The following TNR variants were observed in gnomAD, a reference collection of about 807,000 sequenced individuals.
TNR encodes tenascin-R.
In TNR, 45 loss-of-function variants were observed where a neutral mutation model predicts 150.4. The ratio of observed to expected loss-of-function variants is 0.30; its 90% CI spans 0.24 to 0.38. The LOEUF is 0.38. Ranked by LOEUF, TNR falls within the 10% of genes least tolerant of loss-of-function variation. The pLI, the probability that TNR is intolerant of heterozygous loss-of-function variation, is 1.00. For synonymous variants in TNR, 687 were observed against 678.4 expected, an observed-to-expected ratio of 1.01 and a Z score of -0.20; for missense variants, 1,544 against 1,759.1, an observed-to-expected ratio of 0.88 and a Z score of 2.19.
intron 1 of TNR, among the ~76,000 whole-genome samples, chr1:175,644,438 G>A (rs1664751855): frequency 6.6e-6 from 1 of 152,252 alleles, no homozygotes; most frequent in Non-Finnish European, 1.5e-5. Flanking sequence ...GGTATTGGAA[G>A]TTGGATCCAA....
intron 2 of TNR, among the ~76,000 whole-genome samples, chr1:175,480,686 A>G (rs1657768586): frequency 6.6e-6 from 1 of 152,216 alleles, no homozygotes; most frequent in Non-Finnish European, 1.5e-5. Context: ...AGACGTTAAG[A>G]GGCTCACCTG....
In TNR at chr1:175,591,401, C is replaced by G. The variant is rs144283650; in HGVS notation, c.-164-63032G>C. ...CCCTTGAGACCCTGGCACTTCAAAC[C>G]CTGTGGAAACTAGTGCTTCAATTGC... is the stretch of plus-strand genomic sequence containing the variant. On this transcript the variant is annotated intron_variant, in intron 1 of 22. Transcript: ENST00000367674. 1.3e-3 allele frequency among the ~76,000 whole-genome samples: 192 copies of G among 152,298 alleles called. 1 individual carries two copies. The East Asian group carries it at 0.028, about 23-fold the overall frequency.
chr1:175,676,141 G>T (rs953437222), intron 1 of TNR, among the ~76,000 whole-genome samples: 1 of 152,126 alleles, frequency 6.6e-6, no homozygotes, highest in South Asian at 2.1e-4. Flanking sequence ...TTAATGGCAG[G>T]TGATAAGATT....
chr1:175,630,513 A>G lies in TNR; in HGVS notation c.-164-102144T>C, dbSNP rs1033632112. Reference sequence around the variant, plus strand: ...CATACTTCACTACTGGTCTACAGCAATCTGCAAGGGTTCAGGATGTGACTC... The same window carrying G: ...CATACTTCACTACTGGTCTACAGCAGTCTGCAAGGGTTCAGGATGTGACTC... On this transcript the variant is annotated intron_variant, in intron 1 of 22. Transcript: ENST00000367674. Among the ~76,000 whole-genome samples the G allele has an allele frequency of 1.2e-4, 18 of 152,300 alleles. 1 individual carries two copies. The South Asian group carries it at 1.2e-3, about 11-fold the overall frequency.
At chr1:175,406,883 A>AGG (rs60974501) in intron 2 of TNR, 106 bp from the exon 3 acceptor site, 23 of 726,434 alleles carry the variant, frequency 3.2e-5, no homozygotes, top group Non-Finnish European at 3.6e-5. Flanking sequence ...GAGATTTTCA[A>AGG]GGGGGGGGCG....
intron 2 of TNR, among the ~76,000 whole-genome samples, chr1:175,514,150 G>A (rs1557979729): frequency 6.6e-6 from 1 of 152,188 alleles, no homozygotes; most frequent in African/African-American, 2.4e-5. Context: ...CCTTAAAATA[G>A]GGAGATTAAC....
chr1:175,529,036 T>C (rs753934604), intron 1 of TNR, among the ~76,000 whole-genome samples: 2 of 152,234 alleles, frequency 1.3e-5, no homozygotes, highest in Non-Finnish European at 2.9e-5. Context: ...GATTGTTAAG[T>C]GAGAGCCTTC....
At position 175,579,506 on chromosome 1, in the gene TNR, A is replaced by T. The variant is rs531588279; in HGVS notation, c.-164-51137T>A. Among the ~76,000 whole-genome samples, 4 of 152,056 alleles carry T rather than the reference A, an allele frequency of 2.6e-5. No homozygotes were observed. The South Asian group carries it at 8.3e-4, about 32-fold the overall frequency. On this transcript the variant is annotated intron_variant, in intron 1 of 22. Transcript: ENST00000367674. ...TGAAGGGCACATTTGGGCAATGGCG[A>T]TTAGACCAATGTGGTGGGAGCTGAG...
At position 175,727,483 on chromosome 1, in the gene TNR, A is replaced by T. The variant is rs573709008; in HGVS notation, c.-165+15743T>A. On this transcript the variant is annotated intron_variant, in intron 1 of 22. Coordinates refer to ENST00000367674, the MANE Select transcript of TNR (RefSeq NM_003285.3). ...GAGAATTGGAAACAGTGATGTTTTCAGTAAGTTTTGCTGTAGATGGGAGCT... is the reference window on the plus strand; with the variant it reads ...GAGAATTGGAAACAGTGATGTTTTCTGTAAGTTTTGCTGTAGATGGGAGCT... Among the ~76,000 whole-genome samples the T allele has an allele frequency of 5.9e-5, 9 of 152,334 alleles. No homozygotes were observed. In the South Asian group the frequency reaches 1.7e-3, roughly 28 times the overall value.
chr1:175,695,474 G>C (rs1666488340), intron 1 of TNR, among the ~76,000 whole-genome samples: 1 of 152,216 alleles, frequency 6.6e-6, no homozygotes, highest in Non-Finnish European at 1.5e-5. Context: ...GTTGTTTTAA[G>C]GTGCTAAATT....
intron 1 of TNR, among the ~76,000 whole-genome samples, chr1:175,694,986 C>A (rs1049293210): frequency 2.0e-5 from 3 of 152,208 alleles, no homozygotes; most frequent in Non-Finnish European, 4.4e-5. Flanking sequence ...ATAACGTCCT[C>A]TTGGCTTTTG....
At chr1:175,396,519 A>T (rs1653431858) in intron 5 of TNR, 25 bp downstream of exon 5, 2 of 1,601,280 alleles carry the variant, frequency 1.2e-6, no homozygotes, top group Non-Finnish European at 1.7e-6. Context: ...AGAAAAATGA[A>T]GCAGGACGGG....
chr1:175,398,644 A>C (rs1441381781), intron 4 of TNR, among the ~76,000 whole-genome samples: 1 of 152,202 alleles, frequency 6.6e-6, no homozygotes, highest in Admixed American at 6.5e-5. Context: ...CCCTCTCACC[A>C]ACACCATGGG....
chr1:175,611,500 G>A (rs528590721), intron 1 of TNR, among the ~76,000 whole-genome samples: 3 of 151,966 alleles, frequency 2.0e-5, no homozygotes, highest in South Asian at 4.2e-4. Flanking sequence ...GCCTGGCTAA[G>A]TTTTTAAAAT....
intron 2 of TNR, among the ~76,000 whole-genome samples, chr1:175,469,596 GT>G (rs1377606285): frequency 6.6e-6 from 1 of 151,946 alleles, no homozygotes; most frequent in East Asian, 1.9e-4. Flanking sequence ...TATAGGGAGG[GT>G]TTTGTGGCCT....
intron 1 of TNR, among the ~76,000 whole-genome samples, chr1:175,726,595 A>G (rs1191479990): frequency 6.6e-6 from 1 of 152,174 alleles, no homozygotes; most frequent in African/African-American, 2.4e-5. Flanking sequence ...AGCAGAATAT[A>G]CTCTGTGACT....
At chr1:175,416,129 T>TATAC (rs35195740) in intron 2 of TNR, among the ~76,000 whole-genome samples, 2 of 151,352 alleles carry the variant, frequency 1.3e-5, no homozygotes, top group Admixed American at 6.6e-5. Context: ...TATATATATA[T>TATAC]ACACACACAC....
chr1:175,678,306 G>A (rs532990688), intron 1 of TNR, among the ~76,000 whole-genome samples: 149 of 152,300 alleles, frequency 9.8e-4, no homozygotes, highest in Admixed American at 1.8e-3. Flanking sequence ...GAGGGGGCAC[G>A]TGTTAAACAC....
chr1:175,345,890 A>C (rs1190236877), intron 18 of TNR, among the ~76,000 whole-genome samples: 1 of 152,216 alleles, frequency 6.6e-6, no homozygotes, highest in East Asian at 1.9e-4. Context: ...GAAGTGTAAG[A>C]GTTGCAAAAA....
Sources: gnomAD v4.1 joint callset for allele counts (sites outside exome capture counted in the v4.1 genomes callset) on GRCh38, gnomAD v4.1.1 for gene constraint, MANE v1.5 for transcripts, NCBI Gene and HGNC (gene_info 2026-07-23, HGNC 2026-07-21) for gene names.